The following PYGB variants were observed in gnomAD, a reference collection of about 807,000 sequenced individuals.
The protein encoded by PYGB is glycogen phosphorylase, brain form.
A neutral mutation model predicts 94.3 loss-of-function variants in PYGB; 82 were observed. The observed-to-expected ratio is 0.87, with a 90% CI of 0.73 to 1.04. PYGB has a LOEUF of 1.04. Among genes scored for constraint, PYGB ranks in the 50% least tolerant of loss-of-function variants. PYGB has a pLI of 0.00. For missense variants in PYGB, 1,132 were observed against 1,158.2 expected (o/e 0.98, Z 0.33); for synonymous variants, 488 against 479.1 (o/e 1.02, Z -0.24).
intron 19 of PYGB, 42 bp downstream of exon 19, chr20:25,295,712 G>A (rs755915223): frequency 6.4e-7 from 1 of 1,551,852 alleles, no homozygotes; most frequent in South Asian, 1.1e-5. Context: ...CAGCTGGGTG[G>A]GTCCATGTAG....
rs530143382 is a variant in PYGB, at chr20:25,280,902, G to A, written c.1240-47G>A. 2.3e-5 allele frequency: 36 copies of A among 1,598,836 alleles called. No homozygotes were observed. In the South Asian group the frequency reaches 2.7e-4, roughly 12 times the overall value. On this transcript the variant is annotated intron_variant, in intron 10 of 19. Transcript: ENST00000216962. Reference sequence around the variant, plus strand: ...TGGTCATGGGGAGTGCTGGGTCTCCGTGGGGCCTCCTGTGCCCACCCACCT... The same window carrying A: ...TGGTCATGGGGAGTGCTGGGTCTCCATGGGGCCTCCTGTGCCCACCCACCT...
intron 1 of PYGB, among the ~76,000 whole-genome samples, chr20:25,255,853 C>G (rs1252305237): frequency 2.0e-5 from 3 of 152,088 alleles, no homozygotes; most frequent in African/African-American, 7.2e-5. Flanking sequence ...CCTGCCTCAG[C>G]CTTCCGAATA....
At chr20:25,275,256 G>T (rs1158820006) in intron 5 of PYGB, among the ~76,000 whole-genome samples, 1 of 152,256 alleles carries the variant, frequency 6.6e-6, no homozygotes, top group Non-Finnish European at 1.5e-5. Context: ...AGGCCCTCCT[G>T]CCCAGCAGGG....
At chr20:25,289,790 C>T (rs2088449223) in intron 15 of PYGB, 6 of 532,258 alleles carry the variant, frequency 1.1e-5, no homozygotes, top group South Asian at 8.4e-5. Context: ...CTCTTACATA[C>T]GTCAGCATTC....
intron 13 of PYGB, among the ~76,000 whole-genome samples, chr20:25,283,663 C>G (rs1435393032): frequency 6.6e-6 from 1 of 152,234 alleles, no homozygotes; most frequent in Non-Finnish European, 1.5e-5. Flanking sequence ...CCGGCAGCAG[C>G]CTCTCGGCTA....
At chr20:25,252,769 T>A (rs1432741515) in intron 1 of PYGB, among the ~76,000 whole-genome samples, 1 of 152,210 alleles carries the variant, frequency 6.6e-6, no homozygotes, top group Non-Finnish European at 1.5e-5. Flanking sequence ...TTCCATCCCC[T>A]TCAGTTGGGG....
In PYGB at chr20:25,283,228, C is replaced by A; in HGVS notation, c.1571C>A (p.Pro524Gln). Residue 524 changes from proline (P) to glutamine (Q), a missense_variant, in exon 13 of 20, where the codon CCG (proline) becomes CAG (glutamine). By Grantham distance (76) the Pro-to-Gln change is moderately conservative. Coordinates refer to ENST00000216962, the MANE Select transcript of PYGB (RefSeq NM_002862.4). Reference protein sequence around the residue: ...TDLSQLKKLLPLVSDEVFIRD... With the variant: ...TDLSQLKKLLQLVSDEVFIRD... ...CTGAGCCAGCTGAAGAAGCTGCTGC[C>A]GCTGGTCAGTGACGAGGTGTTCATC... The A allele has an allele frequency of 6.2e-7, 1 of 1,613,880 alleles. No homozygotes were observed. The highest frequency in any genetic ancestry group is 8.5e-7 in the Non-Finnish European group (1 of 1,179,888).
Position 25,252,122 on chromosome 20 carries a change from C to A in PYGB, c.243+3701C>A, listed in dbSNP as rs548963058. Among the ~76,000 whole-genome samples, 4 of 152,342 alleles carry A rather than the reference C, an allele frequency of 2.6e-5. No homozygotes were observed. The East Asian group carries it at 7.7e-4, about 29-fold the overall frequency. On this transcript the variant is annotated intron_variant, in intron 1 of 19. Transcript: ENST00000216962. ...TCTCCTGGGCAGGCTTCCCTGACAG[C>A]AGATCGCTCAAAGTCATTTTCTCTG...
Position 25,268,161 on chromosome 20 carries a change from G to GCCCCC in PYGB, c.346-962_346-958dup, listed in dbSNP as rs11471520. Among the ~76,000 whole-genome samples the GCCCCC allele has an allele frequency of 1.1e-3, 71 of 62,024 alleles. 2 individuals are homozygous for GCCCCC. The highest frequency in any genetic ancestry group is 3.2e-3 in the African/African-American group (50 of 15,726). 40.7% of individuals were successfully genotyped at this position (62,024 alleles called of 152,430 possible). A position where few individuals can be genotyped will look rare whatever the true frequency, so the allele number is the denominator to read the frequency against. ...CATTATTGAGTAAATCCTAGCACCC[G>GCCCCC]CCCCCCCCCCATATCCAAAATATTG... is the stretch of plus-strand genomic sequence containing the variant. On this transcript the variant is annotated intron_variant, in intron 2 of 19. Transcript: ENST00000216962.
In PYGB at chr20:25,252,227, C is replaced by T. The variant is rs1428743117; in HGVS notation, c.243+3806C>T. Reference sequence around the variant, plus strand: ...AGGTAGGCCTCAGCTGTCATTTTAGCAGATGGAGAAGCCTACAGTGTGTGC... The same window carrying T: ...AGGTAGGCCTCAGCTGTCATTTTAGTAGATGGAGAAGCCTACAGTGTGTGC... On this transcript the variant is annotated intron_variant, in intron 1 of 19. Coordinates refer to ENST00000216962, the MANE Select transcript of PYGB (RefSeq NM_002862.4). 2.6e-5 allele frequency among the ~76,000 whole-genome samples: 4 copies of T among 152,226 alleles called. No homozygotes were observed. The East Asian group carries it at 7.7e-4, about 29-fold the overall frequency.
At chr20:25,251,685 T>G (rs1167575796) in intron 1 of PYGB, among the ~76,000 whole-genome samples, 1 of 152,192 alleles carries the variant, frequency 6.6e-6, no homozygotes, top group Admixed American at 6.5e-5. Context: ...AAAGGACAGT[T>G]GCACGGTTTA....
chr20:25,255,786 T>G (rs1600720626), intron 1 of PYGB, among the ~76,000 whole-genome samples: 1 of 150,844 alleles, frequency 6.6e-6, no homozygotes, highest in Admixed American at 6.6e-5. Context: ...CAGGCTGGAG[T>G]GCAGTGGCGC....
chr20:25,289,886 A>T (rs1329911854), intron 15 of PYGB: 2 of 533,428 alleles, frequency 3.7e-6, no homozygotes, highest in African/African-American at 3.8e-5. Flanking sequence ...CGTCACACCT[A>T]AAGCATTGGA....
At position 25,290,506 on chromosome 20, in the gene PYGB, A is replaced by G. The variant is rs1475938001; in HGVS notation, c.1853A>G (p.Lys618Arg). ...GKAAPGYHMA[K>R]LIIKLVTSIG... ...GCAGCGCCCGGTTACCACATGGCCA[A>G]GCTGATCATCAAGTTGGTCACCTCC... The change falls in exon 16 of 20, where the codon AAG becomes AGG. Residue 618 changes from lysine to arginine, a missense_variant. Transcript: ENST00000216962. 3 of 1,610,158 alleles carry G rather than the reference A, an allele frequency of 1.9e-6. No homozygotes were observed. The highest frequency in any genetic ancestry group is 2.2e-5 in the South Asian group (2 of 91,006).
At chr20:25,282,176 G>A in intron 12 of PYGB, 29 bp downstream of exon 12, 2 of 1,557,832 alleles carry the variant, frequency 1.3e-6, no homozygotes, top group Non-Finnish European at 1.8e-6. Context: ...CCGTGCCTGT[G>A]GAGATGCCTG....
Position 25,288,409 on chromosome 20 carries a change from TC to T in PYGB, c.1769-14del. 1 of 1,614,108 alleles carries T rather than the reference TC, an allele frequency of 6.2e-7. No individual in the cohort carries two copies. The stretch of plus-strand genomic sequence containing the variant: ...CTCGCGGTGCCTTGTGTGAGTCTCT[TC>T]CGTGTGTCCTGCAGGAATCAAGAGA... On this transcript the variant is annotated splice_polypyrimidine_tract_variant and intron_variant, in intron 14 of 19. Transcript: ENST00000216962.
chr20:25,258,237 G>GT (rs553044985), intron 1 of PYGB, among the ~76,000 whole-genome samples: 6 of 152,290 alleles, frequency 3.9e-5, no homozygotes, highest in African/African-American at 9.6e-5. Context: ...GACCCATGTA[G>GT]AATTCCAGGG....
intron 2 of PYGB, among the ~76,000 whole-genome samples, chr20:25,262,523 A>G (rs1293810715): frequency 4.6e-5 from 7 of 152,234 alleles, no homozygotes; most frequent in Admixed American, 4.6e-4. Context: ...CTGCAAAAAC[A>G]TGCCAAATTG....
In PYGB at chr20:25,288,430, A is replaced by G. The variant is rs1568697635; in HGVS notation, c.1774A>G (p.Lys592Glu). The stretch of plus-strand genomic sequence containing the variant: ...CTCTTCCGTGTGTCCTGCAGGAATC[A>G]AGAGAGACCCGGCCAAGGCTTTTGT... ...LHVVTLYNRI[K>E]RDPAKAFVPR... Residue 592 changes from lysine to glutamate, a missense_variant, in exon 15 of 20, where the codon AAG becomes GAG. Physicochemically the swap from Lys to Glu is moderately conservative, Grantham distance 56 (BLOSUM62 1). Coordinates refer to ENST00000216962, the MANE Select transcript of PYGB (RefSeq NM_002862.4). The G allele has an allele frequency of 6.2e-7, 1 of 1,614,056 alleles. No homozygotes were observed. The highest frequency in any genetic ancestry group is 1.7e-5 in the Admixed American group (1 of 60,026).
Sources: gnomAD v4.1 joint callset for allele counts (sites outside exome capture counted in the v4.1 genomes callset) on GRCh38, gnomAD v4.1.1 for gene constraint, MANE v1.5 for transcripts, NCBI Gene and HGNC (gene_info 2026-07-23, HGNC 2026-07-21) for gene names.